The following B4GALNT3 variants were observed in gnomAD, a reference collection of about 807,000 sequenced individuals.
B4GALNT3 encodes the protein beta-1,4-N-acetyl-galactosaminyltransferase 3, also known as beta-1,4-N-acetylgalactosaminyltransferase 3.
In B4GALNT3, 86 loss-of-function variants were observed where a neutral mutation model predicts 120.2. The observed-to-expected ratio is 0.72, with a 90% CI of 0.60 to 0.86. The LOEUF is 0.86. B4GALNT3 is among the 40% of genes least tolerant of loss of function. The probability of loss-of-function intolerance (pLI) is 0.00; values close to 1 mark genes in which losing one functional copy is unlikely to be tolerated. For missense variants in B4GALNT3, 1,167 were observed against 1,298.9 expected (o/e 0.90, Z 1.56); for synonymous variants, 518 against 510.4 (o/e 1.01, Z -0.20).
chr12:521,366 G>A (rs1333698673), intron 1 of B4GALNT3, among the ~76,000 whole-genome samples: 2 of 152,192 alleles, frequency 1.3e-5, no homozygotes, highest in African/African-American at 2.4e-5. Flanking sequence ...ACACTGAGGT[G>A]TCTGGAGCCG....
rs200653960 is a variant in B4GALNT3 at position 545,644 on chromosome 12, GGAGGAGT to G, written c.639+184_639+190del. Among the ~76,000 whole-genome samples the G allele has an allele frequency of 3.0e-3, 455 of 150,694 alleles. 2 individuals carry two copies. Among genetic ancestry groups the G allele is most frequent in the Middle Eastern group, 0.014 (4 of 288 alleles). On this transcript the variant is annotated intron_variant, in intron 6 of 19. Coordinates refer to ENST00000266383, the MANE Select transcript of B4GALNT3 (RefSeq NM_173593.4). ...CTACAAAGGGATAAACTGAGGATGG[GGAGGAGT>G]GAGGAGTGGGGAGGAGCGAGGTGTG...
At chr12:535,058 A>T in intron 1 of B4GALNT3, 108 bp from the exon 2 acceptor site, 1 of 836,234 alleles carries the variant, frequency 1.2e-6, no homozygotes, top group Non-Finnish European at 1.8e-6. Flanking sequence ...CCCTCTGAAG[A>T]GAGGTGAGAA....
In B4GALNT3 at chr12:460,018, G is replaced by C. The variant is rs922056613; in HGVS notation, c.-359G>C. Among the ~76,000 whole-genome samples the C allele has an allele frequency of 6.6e-6, 1 of 151,074 alleles. No homozygotes were observed. The highest frequency in any genetic ancestry group is 1.9e-4 in the East Asian group (1 of 5,146). On this transcript the variant is annotated 5_prime_UTR_variant, in exon 1 of 20. Coordinates refer to ENST00000266383, the MANE Select transcript of B4GALNT3 (RefSeq NM_173593.4). The surrounding 1 kb of genome is among the most constrained non-coding windows in gnomAD (Gnocchi z 8.0). ...GGCGCGGGCGGAGGCAGGCGGGCGG[G>C]CGCCGGGGAAGCCTCCTTCTGGGCA...
chr12:545,237 C>T (rs970598549), intron 5 of B4GALNT3, 132 bp from the exon 6 acceptor site: 2 of 1,464,176 alleles, frequency 1.4e-6, no homozygotes, highest in African/African-American at 1.4e-5. Context: ...GTAGAAACCC[C>T]CACTTTACAG....
At chr12:554,582 A>G (rs12306632) in intron 14 of B4GALNT3, among the ~76,000 whole-genome samples, 65,398 of 149,646 alleles carry the variant, frequency 0.44, 17,469 homozygotes, top group African/African-American at 0.76. Flanking sequence ...CGAGGTCAGG[A>G]GATCGAGACC....
intron 1 of B4GALNT3, among the ~76,000 whole-genome samples, chr12:501,888 G>A (rs547002402): frequency 1.8e-3 from 274 of 152,350 alleles, no homozygotes; most frequent in Non-Finnish European, 3.3e-3. Context: ...AACCGGTGCA[G>A]GCGGTACTGT....
At position 545,422 on chromosome 12, in the gene B4GALNT3, C is replaced by T; in HGVS notation, c.592C>T (p.Leu198Phe). Reference protein sequence around the residue: ...ADDNAEFWLSLDDQVSGLQLL... With the variant: ...ADDNAEFWLSFDDQVSGLQLL... ...TGACAACGCGGAGTTCTGGCTGAGC[C>T]TCGATGACCAGGTCTCAGGCCTCCA... Residue 198 changes from leucine to phenylalanine, a missense_variant, in exon 6 of 20, where the codon CTC (leucine) becomes TTC (phenylalanine). This residue lies in a region of B4GALNT3 where 983 missense variants were observed against 1,102.5 expected (regional missense o/e 0.89). Transcript: ENST00000266383. 1.9e-6 allele frequency: 3 copies of T among 1,611,902 alleles called. No homozygotes were observed. The highest frequency in any genetic ancestry group is 2.5e-6 in the Non-Finnish European group (3 of 1,179,452).
intron 1 of B4GALNT3, among the ~76,000 whole-genome samples, chr12:509,530 T>A (rs1017861733): frequency 2.6e-5 from 4 of 152,234 alleles, no homozygotes; most frequent in Admixed American, 1.3e-4. Flanking sequence ...CCAGTGCAGA[T>A]TTCATTGACC....
intron 1 of B4GALNT3, among the ~76,000 whole-genome samples, chr12:523,491 T>C (rs535703069): frequency 6.6e-6 from 1 of 152,298 alleles, no homozygotes; most frequent in African/African-American, 2.4e-5. Context: ...CTTTCCTAGA[T>C]TAGGCTCAGC....
intron 1 of B4GALNT3, among the ~76,000 whole-genome samples, chr12:527,601 G>A (rs929973923): frequency 3.3e-5 from 5 of 151,664 alleles, no homozygotes; most frequent in Non-Finnish European, 7.4e-5. Flanking sequence ...CTAGAGGAAC[G>A]GGTAGGCCTT....
chr12:464,202 G>A (rs1295343402), intron 1 of B4GALNT3, among the ~76,000 whole-genome samples: 1 of 152,244 alleles, frequency 6.6e-6, no homozygotes, highest in East Asian at 1.9e-4. Context: ...CTATCCTGGT[G>A]TGTACTGGCT....
Position 548,293 on chromosome 12 carries a change from C to T in B4GALNT3, c.849C>T (p.Phe283=), listed in dbSNP as rs1451408404. ...TIIDSLSLSL[F]TNETFLQMDE... ...TTGACTCCCTCTCCCTGTCCCTCTT[C>T]ACAAGTGAGTAGGCTCTGGCCCTGC... The change falls in exon 9 of 20, where the codon TTC becomes TTT. Residue 283 remains phenylalanine (F), a synonymous_variant. Coordinates refer to ENST00000266383, the MANE Select transcript of B4GALNT3 (RefSeq NM_173593.4). The surrounding 1 kb of genome is among the most constrained non-coding windows in gnomAD (Gnocchi z 4.9). The T allele has an allele frequency of 2.5e-6, 4 of 1,614,004 alleles. No individual in the cohort carries two copies. The highest frequency in any genetic ancestry group is 1.7e-5 in the Admixed American group (1 of 60,008).
chr12:557,800 G>A (rs78107563), intron 16 of B4GALNT3, 39 bp downstream of exon 16: 139 of 1,577,668 alleles, frequency 8.8e-5, no homozygotes, highest in Admixed American at 1.3e-4. Context: ...CATGGGCCAC[G>A]TCCATCCTAA....
intron 1 of B4GALNT3, among the ~76,000 whole-genome samples, chr12:526,105 G>A (rs1034140859): frequency 3.3e-5 from 5 of 152,144 alleles, no homozygotes; most frequent in Non-Finnish European, 7.3e-5. Context: ...GTGCCAGAGC[G>A]CATCCTCAAG....
At chr12:523,692 C>T (rs531270982) in intron 1 of B4GALNT3, among the ~76,000 whole-genome samples, 24 of 152,250 alleles carry the variant, frequency 1.6e-4, no homozygotes, top group Admixed American at 2.6e-4. Flanking sequence ...ATGTCTCCAT[C>T]GGCAAAATGG....
At chr12:557,334 T>C (rs1048783770) in intron 15 of B4GALNT3, among the ~76,000 whole-genome samples, 4 of 152,094 alleles carry the variant, frequency 2.6e-5, no homozygotes, top group African/African-American at 9.7e-5. Flanking sequence ...GCAGGGCTAC[T>C]GACAATGAGC....
chr12:502,890 A>T (rs61046383), intron 1 of B4GALNT3, among the ~76,000 whole-genome samples: 18,710 of 152,096 alleles, frequency 0.12, 3,336 homozygotes, highest in African/African-American at 0.39. Context: ...AGTAGCTGGG[A>T]CTACAGGCGT....
In B4GALNT3 at chr12:494,144, C is replaced by T. The variant is rs540888743; in HGVS notation, c.169+33599C>T. ...AATTAGCTGGGTGTGGTGGTGTGCG[C>T]CTGTTGTCCCAGCTACTCGGGAGGC... On this transcript the variant is annotated intron_variant, in intron 1 of 19. Transcript: ENST00000266383. Among the ~76,000 whole-genome samples, 51 of 152,030 alleles carry T rather than the reference C, an allele frequency of 3.4e-4. 1 individual carries two copies. Among genetic ancestry groups the T allele is most frequent in the African/African-American group, 1.2e-3 (49 of 41,462 alleles).
rs200768044 is a variant in B4GALNT3, at chr12:556,736, G to T, written c.2250G>T (p.Leu750=). ...GGGAGGAGGTCGAGGCCCGGAACCT[G>T]CAAGGCCTGGTCTGGGACCCACACA... ...AGGEEVEARN[L]QGLVWDPHNR... Residue 750 remains leucine (L), a synonymous_variant, in exon 15 of 20, where the codon CTG becomes CTT. Transcript: ENST00000266383. 9.3e-6 allele frequency: 15 copies of T among 1,612,724 alleles called. No homozygotes were observed. The highest frequency in any genetic ancestry group is 6.7e-5 in the African/African-American group (5 of 75,038).
Sources: gnomAD v4.1 joint callset for allele counts (sites outside exome capture counted in the v4.1 genomes callset) on GRCh38, gnomAD v4.1.1 for gene constraint, gnomAD v4.1.1 regional missense constraint, Gnocchi (gnomAD v3.1) non-coding constraint, MANE v1.5 for transcripts, NCBI Gene and HGNC (gene_info 2026-07-23, HGNC 2026-07-21) for gene names.